The following APLF variants were observed in gnomAD, a reference collection of about 807,000 sequenced individuals.
APLF encodes the protein aprataxin and PNKP like factor, also known as aprataxin and PNK-like factor.
In APLF, 61 loss-of-function variants were observed where a neutral mutation model predicts 55.6. That is an observed-to-expected ratio of 1.10 (90% CI 0.89 to 1.36). The LOEUF (loss-of-function observed/expected upper bound fraction) is 1.36, where lower values mean the gene tolerates loss of function less well. Among genes scored for constraint, APLF ranks in the 40% most tolerant of loss-of-function variants. APLF has a pLI of 0.00. For missense variants in APLF, 611 were observed against 602.5 expected (o/e 1.01, Z -0.15); for synonymous variants, 207 against 214.8 (o/e 0.96, Z 0.32).
chr2:68,538,166 C>A lies in APLF; in HGVS notation c.1099C>A (p.Gln367Lys). 1.2e-6 allele frequency: 2 copies of A among 1,613,930 alleles called. No homozygotes were observed. The highest frequency in any genetic ancestry group is 8.5e-7 in the Non-Finnish European group (1 of 1,179,950). The change falls in exon 7 of 10, where the codon CAA becomes AAA. Residue 367 changes from glutamine to lysine, a missense_variant. Physicochemically the swap from Gln to Lys is moderately conservative, Grantham distance 53. Coordinates refer to ENST00000303795, the MANE Select transcript of APLF (RefSeq NM_173545.3). ...TGCAAAGGCAACTGATTCAGTTCTA[C>A]AAGGTTCTGAAGGAAACAAGGTCAA... ...LHAKATDSVLQGSEGNKVKRT... is the reference protein window; with the variant it reads ...LHAKATDSVLKGSEGNKVKRT...
chr2:68,481,710 A>G (rs187460594), intron 1 of APLF, among the ~76,000 whole-genome samples: 22 of 152,164 alleles, frequency 1.4e-4, no homozygotes, highest in African/African-American at 5.3e-4. Flanking sequence ...TGCCTTTTCC[A>G]TATTTTCTTT....
chr2:68,484,584 C>T (rs113556639), intron 1 of APLF, among the ~76,000 whole-genome samples: 4,933 of 151,578 alleles, frequency 0.033, 105 homozygotes, highest in Middle Eastern at 0.048. Context: ...CCCAGCTACC[C>T]GGGAGGCTGA....
intron 9 of APLF, among the ~76,000 whole-genome samples, chr2:68,573,087 C>A (rs1401985895): frequency 6.6e-6 from 1 of 152,130 alleles, no homozygotes; most frequent in Non-Finnish European, 1.5e-5. Context: ...ACATTCTAAT[C>A]CCATATAGTA....
chr2:68,508,087 A>G (rs1188925975), intron 3 of APLF, among the ~76,000 whole-genome samples: 1 of 151,796 alleles, frequency 6.6e-6, no homozygotes, highest in East Asian at 1.9e-4. Flanking sequence ...TTTATATTAA[A>G]GATATGAAAA....
intron 2 of APLF, among the ~76,000 whole-genome samples, chr2:68,495,215 C>G (rs1041240222): frequency 6.6e-6 from 1 of 152,208 alleles, no homozygotes; most frequent in African/African-American, 2.4e-5. Context: ...TTAACTCATT[C>G]CAGCATTACC....
At chr2:68,558,732 C>G (rs1483272632) in intron 8 of APLF, among the ~76,000 whole-genome samples, 1 of 152,034 alleles carries the variant, frequency 6.6e-6, no homozygotes, top group African/African-American at 2.4e-5. Context: ...ACAGATCAAC[C>G]CGTCACCTAG....
chr2:68,541,774 G>GT (rs888527735), intron 7 of APLF, among the ~76,000 whole-genome samples: 4 of 151,772 alleles, frequency 2.6e-5, no homozygotes, highest in Non-Finnish European at 4.4e-5. Flanking sequence ...AATCCTAATG[G>GT]TTTTTTTTGG....
intron 2 of APLF, among the ~76,000 whole-genome samples, chr2:68,491,250 A>G (rs1385266357): frequency 6.6e-6 from 1 of 152,208 alleles, no homozygotes; most frequent in African/African-American, 2.4e-5. Context: ...TTTAGGAGCC[A>G]CTGTATTTAC....
intron 3 of APLF, among the ~76,000 whole-genome samples, chr2:68,505,748 T>A: frequency 6.6e-6 from 1 of 152,006 alleles, no homozygotes; most frequent in East Asian, 1.9e-4. Context: ...TACACCACTC[T>A]CCCAGCACAT....
intron 1 of APLF, among the ~76,000 whole-genome samples, chr2:68,478,117 A>G (rs1005554802): frequency 2.6e-5 from 4 of 152,058 alleles, no homozygotes; most frequent in African/African-American, 9.7e-5. Flanking sequence ...GTGAAATACC[A>G]CTAGTGATAC....
Position 68,567,400 on chromosome 2 carries a change from A to T in APLF, c.1333+13A>T. ...AATACGCTTCCAGGTAAGTAAGTTT[A>T]CTTCAGAAAATTCAAAATGAAACCT... On this transcript the variant is annotated intron_variant, in intron 9 of 9. Transcript: ENST00000303795. 6.3e-7 allele frequency: 1 copy of T among 1,578,456 alleles called. No homozygotes were observed. The highest frequency in any genetic ancestry group is 8.6e-7 in the Non-Finnish European group (1 of 1,159,126).
At chr2:68,569,712 G>A (rs1195826789) in intron 9 of APLF, among the ~76,000 whole-genome samples, 1 of 152,132 alleles carries the variant, frequency 6.6e-6, no homozygotes, top group Non-Finnish European at 1.5e-5. Context: ...AACTAGGGCG[G>A]CCATCATGAA....
chr2:68,520,436 T>G (rs1669864308), intron 5 of APLF, among the ~76,000 whole-genome samples: 1 of 152,088 alleles, frequency 6.6e-6, no homozygotes, highest in Admixed American at 6.6e-5. Context: ...TCTAGAATTT[T>G]TATGGTTTCA....
intron 2 of APLF, among the ~76,000 whole-genome samples, chr2:68,491,518 C>T (rs1316332599): frequency 6.6e-6 from 1 of 152,142 alleles, no homozygotes; most frequent in African/African-American, 2.4e-5. Context: ...CTCTAGTGCC[C>T]AATTTCTAAT....
chr2:68,551,081 GTTC>G, intron 8 of APLF, among the ~76,000 whole-genome samples: 1 of 152,100 alleles, frequency 6.6e-6, no homozygotes, highest in Admixed American at 6.5e-5. Flanking sequence ...GTCTGAAAGT[GTTC>G]TTATTTTAAA....
In APLF at chr2:68,563,670, G is replaced by A. The variant is rs76783514; in HGVS notation, c.1287-3671G>A. Among the ~76,000 whole-genome samples, 837 of 152,064 alleles carry A rather than the reference G, an allele frequency of 5.5e-3. 4 individuals are homozygous for A. The highest frequency in any genetic ancestry group is 0.019 in the African/African-American group (799 of 41,526). ...CTCTAACTCCTTAGGTTTCATTACT[G>A]TACTTTATTTAAAAAGCCTGACATT... On this transcript the variant is annotated intron_variant, in intron 8 of 9. Transcript: ENST00000303795.
In APLF at chr2:68,467,843, G is replaced by T. The variant is rs1464515535; in HGVS notation, c.96+16G>T. On this transcript the variant is annotated intron_variant, in intron 1 of 9. Coordinates refer to ENST00000303795, the MANE Select transcript of APLF (RefSeq NM_173545.3). ...GCTGCTGGGAGTAAGTGTGGGCGGG[G>T]GCTTAGCGGACCCCGAGAGCCGTGG... The T allele has an allele frequency of 2.5e-5, 31 of 1,231,776 alleles. No homozygotes were observed. The highest frequency in any genetic ancestry group is 2.9e-5 in the Non-Finnish European group (29 of 987,802). 76.3% of individuals were successfully genotyped at this position (1,231,776 alleles called of 1,614,324 possible).
At chr2:68,548,608 TTGA>T (rs1192026719) in intron 8 of APLF, among the ~76,000 whole-genome samples, 9 of 151,968 alleles carry the variant, frequency 5.9e-5, no homozygotes, top group Non-Finnish European at 1.3e-4. Context: ...ATGCCAAGTG[TTGA>T]TGAAACAGTG....
intron 9 of APLF, among the ~76,000 whole-genome samples, chr2:68,570,743 G>T (rs562836093): frequency 7.5e-4 from 114 of 152,162 alleles, no homozygotes; most frequent in African/African-American, 2.7e-3. Context: ...GAGTAGTGCC[G>T]CAGTAAACAT....
Sources: allele counts gnomAD v4.1 joint callset (sites outside exome capture counted in the v4.1 genomes callset), GRCh38; gene constraint gnomAD v4.1.1; transcripts MANE v1.5; gene names NCBI Gene and HGNC (gene_info 2026-07-23, HGNC 2026-07-21).